Variants in CLASP2 observed in about 807,000 individuals in gnomAD.
CLASP2 encodes the protein cytoplasmic linker associated protein 2.
In CLASP2, 47 loss-of-function variants were observed where a neutral mutation model predicts 194.4. The ratio of observed to expected loss-of-function variants is 0.24; its 90% CI spans 0.19 to 0.31. The LOEUF (loss-of-function observed/expected upper bound fraction) is 0.31, where lower values mean the gene tolerates loss of function less well. Ranked by LOEUF, CLASP2 falls within the 10% of genes least tolerant of loss-of-function variation. The probability of loss-of-function intolerance (pLI) is 1.00; values close to 1 mark genes in which losing one functional copy is unlikely to be tolerated. For missense variants in CLASP2, 1,445 were observed against 1,823.6 expected, an observed-to-expected ratio of 0.79 and a Z score of 3.78; for synonymous variants, 619 against 633.5, an observed-to-expected ratio of 0.98 and a Z score of 0.34.
At chr3:33,645,256 C>G in intron 7 of CLASP2, 1 of 765,276 alleles carries the variant, frequency 1.3e-6, no homozygotes. Flanking sequence ...CTGCCTTATT[C>G]CTTATACCCA....
intron 27 of CLASP2, among the ~76,000 whole-genome samples, chr3:33,561,546 A>G (rs1253637217): frequency 6.6e-6 from 1 of 152,262 alleles, no homozygotes; most frequent in Non-Finnish European, 1.5e-5. Flanking sequence ...CATCTAAAAT[A>G]AATCCAAGAT....
chr3:33,579,980 T>A (rs116384011), intron 23 of CLASP2, among the ~76,000 whole-genome samples: 1 of 152,296 alleles, frequency 6.6e-6, no homozygotes, highest in East Asian at 1.9e-4. Flanking sequence ...CGCATGCACA[T>A]GCACACATAC....
intron 11 of CLASP2, 143 bp downstream of exon 11, chr3:33,621,992 T>C (rs1306228414): frequency 1.8e-6 from 1 of 548,016 alleles, no homozygotes; most frequent in African/African-American, 2.0e-5. Context: ...ATCATACAGA[T>C]TGAATCCTTA....
intron 35 of CLASP2, 81 bp from the exon 36 acceptor site, chr3:33,516,232 T>C: frequency 7.5e-7 from 1 of 1,340,888 alleles, no homozygotes; most frequent in Non-Finnish European, 1.0e-6. Context: ...AACTTAAGGG[T>C]CTTAATATTG....
chr3:33,532,562 A>G (rs2056555504), intron 34 of CLASP2, among the ~76,000 whole-genome samples: 1 of 152,246 alleles, frequency 6.6e-6, no homozygotes, highest in South Asian at 2.1e-4. Flanking sequence ...AAATTGGAAA[A>G]AAGATATTAT....
At chr3:33,653,993 T>C (rs960766294) in intron 7 of CLASP2, among the ~76,000 whole-genome samples, 1 of 140,548 alleles carries the variant, frequency 7.1e-6, no homozygotes, top group Non-Finnish European at 1.5e-5. Context: ...TCTTAAAAGA[T>C]GCAAAAAAAG....
At chr3:33,717,557 G>A (rs2093355289) in intron 1 of CLASP2, among the ~76,000 whole-genome samples, 1 of 152,124 alleles carries the variant, frequency 6.6e-6, no homozygotes, top group Admixed American at 6.5e-5. Flanking sequence ...CTCCTGGGTA[G>A]CTGGGATTAC....
chr3:33,641,182 A>AAT (rs764874461), intron 8 of CLASP2, among the ~76,000 whole-genome samples: 7 of 151,912 alleles, frequency 4.6e-5, no homozygotes, highest in Non-Finnish European at 7.4e-5. Flanking sequence ...TAAATGAAAG[A>AAT]ATATATATAA....
chr3:33,695,155 G>A (rs1194480178), intron 2 of CLASP2, among the ~76,000 whole-genome samples: 1 of 150,212 alleles, frequency 6.7e-6, no homozygotes, highest in Non-Finnish European at 1.5e-5. Context: ...GAAATCCTGG[G>A]CCCAACCTCC....
At chr3:33,666,287 A>C (rs905629623) in intron 6 of CLASP2, among the ~76,000 whole-genome samples, 12 of 152,166 alleles carry the variant, frequency 7.9e-5, no homozygotes, top group African/African-American at 2.7e-4. Flanking sequence ...TGTGCAACCA[A>C]ATAATCCATT....
At chr3:33,673,067 A>C (rs375109915) in intron 6 of CLASP2, among the ~76,000 whole-genome samples, 1 of 152,194 alleles carries the variant, frequency 6.6e-6, no homozygotes, top group Non-Finnish European at 1.5e-5. Flanking sequence ...GCAGGCCAAC[A>C]TTCAGATTCA....
At position 33,622,309 on chromosome 3, in the gene CLASP2, A is replaced by G. The variant is rs1353481940; in HGVS notation, c.1036-29T>C. On this transcript the variant is annotated intron_variant, in intron 10 of 38. Coordinates refer to ENST00000682230, the MANE Select transcript of CLASP2 (RefSeq NM_001365631.1). ...AAATAAAGAATTTTCATTATTGACAAAAAAGGTGGAAGTGCAAAAAAAAGA... is the reference window on the plus strand; with the variant it reads ...AAATAAAGAATTTTCATTATTGACAGAAAAGGTGGAAGTGCAAAAAAAAGA... The G allele has an allele frequency of 7.0e-6, 10 of 1,427,968 alleles. No homozygotes were observed. The Middle Eastern group carries it at 7.5e-4, about 107-fold the overall frequency. 88.5% of individuals were successfully genotyped at this position (1,427,968 alleles called of 1,614,324 possible).
At chr3:33,637,448 C>T (rs988907223) in intron 8 of CLASP2, among the ~76,000 whole-genome samples, 13 of 152,084 alleles carry the variant, frequency 8.5e-5, no homozygotes, top group Non-Finnish European at 1.3e-4. Flanking sequence ...GCAGGAGAAT[C>T]GCTTGAACCT....
chr3:33,619,491 G>T, intron 12 of CLASP2, 112 bp downstream of exon 12: 2 of 938,778 alleles, frequency 2.1e-6, no homozygotes, highest in Non-Finnish European at 3.0e-6. Flanking sequence ...GAAACTCCAT[G>T]ACTTACATTG....
chr3:33,560,274 G>A (rs1399270474), intron 28 of CLASP2, among the ~76,000 whole-genome samples: 1 of 148,264 alleles, frequency 6.7e-6, no homozygotes, highest in Admixed American at 6.8e-5. Context: ...ACAGAGTCTC[G>A]CTCTGTTGCC....
At chr3:33,676,872 C>A (rs2088764843) in intron 6 of CLASP2, among the ~76,000 whole-genome samples, 1 of 152,118 alleles carries the variant, frequency 6.6e-6, no homozygotes, top group African/African-American at 2.4e-5. Flanking sequence ...AAACAAACAA[C>A]CCCATCAAAA....
At position 33,632,300 on chromosome 3, in the gene CLASP2, A is replaced by G. The variant is rs2079234614; in HGVS notation, c.934T>C (p.Ser312Pro). ...GCCACTGGTAGCCTTACCTGAATAG[A>G]AGGGACATCTGTAAAAGCTTTTATA... is the stretch of plus-strand genomic sequence containing the variant. Reference protein sequence around the residue: ...DFIKAFTDVPSIQIYSSRELE... With the variant: ...DFIKAFTDVPPIQIYSSRELE... Residue 312 changes from serine to proline, a missense_variant, in exon 9 of 39, where the codon TCT (serine) becomes CCT (proline). By Grantham distance (74) the Ser-to-Pro change is moderately conservative. Around this residue, in one of 4 missense-constraint regions of CLASP2, gnomAD observed 207 missense variants for 331.4 expected, o/e 0.62. Coordinates refer to ENST00000682230, the MANE Select transcript of CLASP2 (RefSeq NM_001365631.1). 3 of 1,602,312 alleles carry G rather than the reference A, an allele frequency of 1.9e-6. No homozygotes were observed. The East Asian group carries it at 6.7e-5, about 36-fold the overall frequency.
chr3:33,702,890 T>G (rs1351423506), intron 1 of CLASP2, among the ~76,000 whole-genome samples: 1 of 152,158 alleles, frequency 6.6e-6, no homozygotes, highest in Non-Finnish European at 1.5e-5. Flanking sequence ...TTTCAACAAA[T>G]GGTACTGCAA....
chr3:33,638,731 A>G (rs965392429), intron 8 of CLASP2, among the ~76,000 whole-genome samples: 3 of 152,246 alleles, frequency 2.0e-5, no homozygotes, highest in African/African-American at 7.2e-5. Context: ...CAAGTCAACT[A>G]TATTAGAATG....
Sources: allele counts gnomAD v4.1 joint callset (sites outside exome capture counted in the v4.1 genomes callset), GRCh38; gene constraint gnomAD v4.1.1; regional missense constraint gnomAD v4.1.1; transcripts MANE v1.5; gene names NCBI Gene and HGNC (gene_info 2026-07-23, HGNC 2026-07-21).